Variants in ADGRV1 observed in about 807,000 individuals in gnomAD.
ADGRV1 encodes adhesion G protein-coupled receptor V1, also known as G-protein coupled receptor 98.
Under a neutral mutation model 596.2 loss-of-function variants are expected in ADGRV1, and 359 were observed. The ratio of observed to expected loss-of-function variants is 0.60; its 90% confidence interval spans 0.55 to 0.66. The LOEUF (loss-of-function observed/expected upper bound fraction) is 0.66. Ranked by LOEUF, ADGRV1 falls within the 30% of genes least tolerant of loss-of-function variation. The pLI, the probability that ADGRV1 is intolerant of heterozygous loss-of-function variation, is 0.00. For missense variants in ADGRV1, 7,274 were observed against 7,575.6 expected, an observed-to-expected ratio of 0.96 and a Z score of 1.48; for synonymous variants, 2,681 against 2,679.2, an observed-to-expected ratio of 1.00 and a Z score of -0.02.
intron 84 of ADGRV1, among the ~76,000 whole-genome samples, chr5:90,973,785 G>C (rs371552198): frequency 7.9e-5 from 12 of 152,166 alleles, no homozygotes; most frequent in East Asian, 1.9e-4. Context: ...CCTTTGAAAA[G>C]TGGCACAAGA....
chr5:90,603,842 T>C (rs575896338), intron 1 of ADGRV1, among the ~76,000 whole-genome samples: 54 of 148,484 alleles, frequency 3.6e-4, no homozygotes, highest in African/African-American at 1.3e-3. Context: ...CCTGGGACAC[T>C]GCATGGAGGC....
intron 70 of ADGRV1, among the ~76,000 whole-genome samples, chr5:90,801,256 T>C (rs1761342948): frequency 6.6e-6 from 1 of 152,166 alleles, no homozygotes; most frequent in African/African-American, 2.4e-5. Flanking sequence ...AAATCTGCTC[T>C]AACTCATGTT....
chr5:90,816,743 A>G (rs551960533), intron 75 of ADGRV1, among the ~76,000 whole-genome samples: 255 of 151,846 alleles, frequency 1.7e-3, no homozygotes, highest in South Asian at 3.3e-3. Context: ...ACATGAACTC[A>G]TCATTTTTTA....
At chr5:91,056,790 C>T (rs1786910039) in intron 85 of ADGRV1, among the ~76,000 whole-genome samples, 1 of 152,170 alleles carries the variant, frequency 6.6e-6, no homozygotes, top group Admixed American at 6.5e-5. Flanking sequence ...ATGTTAGCCA[C>T]TCCTGGGCCA....
At chr5:90,582,317 GT>G (rs1758171505) in intron 1 of ADGRV1, among the ~76,000 whole-genome samples, 2 of 152,022 alleles carry the variant, frequency 1.3e-5, no homozygotes, top group Admixed American at 6.6e-5. Context: ...TTTTTGTATG[GT>G]TGTGTAAAGT....
chr5:91,107,666 ATAACT>A (rs957478699), intron 87 of ADGRV1, among the ~76,000 whole-genome samples: 15 of 152,242 alleles, frequency 9.9e-5, no homozygotes, highest in Non-Finnish European at 1.8e-4. Context: ...CAGAACAGAA[ATAACT>A]TAAACTATGT....
At chr5:90,665,160 A>G (rs1440804058) in intron 21 of ADGRV1, among the ~76,000 whole-genome samples, 60 of 150,902 alleles carry the variant, frequency 4.0e-4, no homozygotes, top group South Asian at 8.4e-4. Flanking sequence ...CTCTTTTTCT[A>G]TTGATTGGAA....
chr5:90,861,758 T>G lies in ADGRV1; in HGVS notation c.17756-1999T>G, dbSNP rs371444466. ...TAAATAGATGTTAAATATAGCTATT[T>G]AATTTCAGATGAAAAAATAAAAGAT... On this transcript the variant is annotated intron_variant, in intron 82 of 89. Transcript: ENST00000405460. Among the ~76,000 whole-genome samples, 9 of 152,366 alleles carry G rather than the reference T, an allele frequency of 5.9e-5. No homozygotes were observed. In the South Asian group the frequency reaches 1.9e-3, roughly 32 times the overall value.
At position 91,007,081 on chromosome 5, in the gene ADGRV1, C is replaced by T. The variant is rs186950065; in HGVS notation, c.18152+21559C>T. On this transcript the variant is annotated intron_variant, in intron 85 of 89. Transcript: ENST00000405460. ...ATACCCAATGCAAGAGCGGTTATGC[C>T]AGAAGGAAAGTTGGGATTGAAAAGA... Among the ~76,000 whole-genome samples, 475 of 152,280 alleles carry T rather than the reference C, an allele frequency of 3.1e-3. 2 individuals are homozygous for T. The highest frequency in any genetic ancestry group is 0.029 in the South Asian group (140 of 4,828).
rs531469630 is a variant in ADGRV1, at chr5:90,836,158, T to C, written c.16612-4420T>C. The stretch of plus-strand genomic sequence containing the variant: ...TGGGATGCAAAATGGTAAGCCACTC[T>C]GGAAAACAGTTTAGAAGTTTCTTCA... On this transcript the variant is annotated intron_variant, in intron 77 of 89. Transcript: ENST00000405460. Among the ~76,000 whole-genome samples the C allele has an allele frequency of 6.6e-5, 10 of 152,344 alleles. No individual in the cohort carries two copies. The South Asian group carries it at 2.1e-3, about 32-fold the overall frequency.
chr5:90,732,570 T>G (rs544520724), intron 50 of ADGRV1, among the ~76,000 whole-genome samples: 1 of 152,316 alleles, frequency 6.6e-6, no homozygotes, highest in Non-Finnish European at 1.5e-5. Context: ...TTACCCATCT[T>G]ATAACTGAAA....
chr5:90,762,612 T>C (rs1756628014), intron 58 of ADGRV1: 1 of 152,112 alleles, frequency 6.6e-6, no homozygotes, highest in South Asian at 2.1e-4. Context: ...TAATAAGGAC[T>C]TGTATGCAAA....
At chr5:90,916,823 G>A (rs1329747048) in intron 83 of ADGRV1, among the ~76,000 whole-genome samples, 1 of 150,890 alleles carries the variant, frequency 6.6e-6, no homozygotes, top group Non-Finnish European at 1.5e-5. Context: ...TAGTAGAGAC[G>A]GGGTTTCACC....
intron 60 of ADGRV1, among the ~76,000 whole-genome samples, chr5:90,774,944 C>T (rs1001856274): frequency 1.3e-5 from 2 of 152,100 alleles, no homozygotes; most frequent in African/African-American, 2.4e-5. Flanking sequence ...AGCCTATGTA[C>T]GTCTGTTTTC....
chr5:90,723,765 T>A (rs898709133), intron 45 of ADGRV1, among the ~76,000 whole-genome samples: 1 of 152,216 alleles, frequency 6.6e-6, no homozygotes, highest in Admixed American at 6.5e-5. Context: ...GGAGCCCAGG[T>A]TTCAACCTTG....
rs541393777 is a variant in ADGRV1 at position 90,961,258 on chromosome 5, T to C, written c.17857-4157T>C. On this transcript the variant is annotated intron_variant, in intron 83 of 89. Coordinates refer to ENST00000405460, the MANE Select transcript of ADGRV1 (RefSeq NM_032119.4). ...GTTCACGCCTGTAATCCCAGCACTT[T>C]GGGAGGCCGAAGCGGGCGGATCATG... Among the ~76,000 whole-genome samples the C allele has an allele frequency of 3.4e-4, 52 of 152,096 alleles. 2 individuals are homozygous for C. The South Asian group carries it at 0.011, about 32-fold the overall frequency.
chr5:91,030,955 G>T, intron 85 of ADGRV1: 2 of 1,098,032 alleles, frequency 1.8e-6, no homozygotes, highest in Non-Finnish European at 1.3e-6. Flanking sequence ...TGGCAGTTTT[G>T]TAATCAAAGG....
intron 83 of ADGRV1, among the ~76,000 whole-genome samples, chr5:90,915,172 T>C (rs538819605): frequency 2.0e-5 from 3 of 152,350 alleles, no homozygotes; most frequent in African/African-American, 7.2e-5. Flanking sequence ...TGCTCACTTA[T>C]CCAGACAGCG....
intron 83 of ADGRV1, among the ~76,000 whole-genome samples, chr5:90,916,407 A>C (rs1421314229): frequency 6.6e-6 from 1 of 152,070 alleles, no homozygotes; most frequent in Non-Finnish European, 1.5e-5. Context: ...CACCACTAAT[A>C]CTGGGGGACA....
Sources: allele counts gnomAD v4.1 joint callset (sites outside exome capture counted in the v4.1 genomes callset), GRCh38; gene constraint gnomAD v4.1.1; transcripts MANE v1.5; gene names NCBI Gene and HGNC (gene_info 2026-07-23, HGNC 2026-07-21).